Variants in PLPPR5 observed in about 807,000 individuals in gnomAD.
PLPPR5 encodes phospholipid phosphatase related 5.
Under a neutral mutation model 33.9 loss-of-function variants are expected in PLPPR5, and 16 were observed. That is an observed-to-expected ratio of 0.47 (90% CI 0.32 to 0.72). The LOEUF (loss-of-function observed/expected upper bound fraction) is 0.72. Ranked by LOEUF, PLPPR5 falls within the 30% of genes least tolerant of loss-of-function variation. The probability of loss-of-function intolerance (pLI) is 0.03; values close to 1 mark genes in which losing one functional copy is unlikely to be tolerated. For synonymous variants in PLPPR5, 163 were observed against 150.3 expected, an observed-to-expected ratio of 1.08 and a Z score of -0.62; for missense variants, 301 against 406.7, an observed-to-expected ratio of 0.74 and a Z score of 2.23.
rs1032639576 is a variant in PLPPR5, at chr1:98,895,512, T to C, written c.934-2408A>G. 9.2e-5 allele frequency among the ~76,000 whole-genome samples: 14 copies of C among 152,174 alleles called. No homozygotes were observed. In the East Asian group the frequency reaches 2.7e-3, roughly 29 times the overall value. On this transcript the variant is annotated intron_variant, in intron 5 of 5. Coordinates refer to ENST00000263177, the MANE Select transcript of PLPPR5 (RefSeq NM_001037317.2). ...ATCTAGAAAATACTGGAATTCAGTC[T>C]TGGCATTTAAAATCACATGCTTCAG...
chr1:98,901,090 T>C (rs865901993), intron 5 of PLPPR5, among the ~76,000 whole-genome samples: 4 of 152,120 alleles, frequency 2.6e-5, no homozygotes, highest in East Asian at 3.8e-4. Context: ...CAACCTTCAA[T>C]TGGCAAATGG....
chr1:98,988,298 C>T (rs965526413), intron 1 of PLPPR5, among the ~76,000 whole-genome samples: 1 of 151,988 alleles, frequency 6.6e-6, no homozygotes, highest in African/African-American at 2.4e-5. Flanking sequence ...TGTATTCAGG[C>T]CAAGTTTAAT....
intron 2 of PLPPR5, among the ~76,000 whole-genome samples, chr1:98,953,555 G>T (rs1169187412): frequency 3.3e-5 from 5 of 152,026 alleles, no homozygotes; most frequent in Non-Finnish European, 7.4e-5. Context: ...ACTGGTTTTT[G>T]GGCATGGCAG....
intron 3 of PLPPR5, among the ~76,000 whole-genome samples, chr1:98,931,557 C>A (rs191846786): frequency 6.6e-6 from 1 of 152,226 alleles, no homozygotes; most frequent in East Asian, 1.9e-4. Context: ...AGTCAAGGAT[C>A]CTTTCTCCCT....
chr1:98,928,522 TA>T lies in PLPPR5; in HGVS notation c.622-6465del, dbSNP rs199775779. On this transcript the variant is annotated intron_variant, in intron 3 of 5. Coordinates refer to ENST00000263177, the MANE Select transcript of PLPPR5 (RefSeq NM_001037317.2). ...ATATTAATATCACCTTTTTTACTTT[TA>T]AAAAACTATTAGAAAGTTTTAAATC... is the stretch of plus-strand genomic sequence containing the variant. 3.9e-3 allele frequency among the ~76,000 whole-genome samples: 517 copies of T among 132,662 alleles called. 3 individuals carry two copies. Among genetic ancestry groups the T allele is most frequent in the African/African-American group, 0.013 (487 of 37,478 alleles). The allele number at this position is 132,662 out of a possible 152,430, so 87.0% of individuals were successfully genotyped here. A position where few individuals can be genotyped will look rare whatever the true frequency, so the allele number is the denominator to read the frequency against.
chr1:98,986,508 T>A (rs557027166), intron 1 of PLPPR5, among the ~76,000 whole-genome samples: 1 of 151,934 alleles, frequency 6.6e-6, no homozygotes, highest in East Asian at 1.9e-4. Flanking sequence ...AGGCTTTTTT[T>A]AATAAAAGAA....
chr1:98,935,170 A>C (rs1393757001), intron 3 of PLPPR5, among the ~76,000 whole-genome samples: 2 of 152,204 alleles, frequency 1.3e-5, no homozygotes. Flanking sequence ...TACAAATTAC[A>C]AGATAGTGAC....
At chr1:98,980,615 T>C (rs1218973005) in intron 1 of PLPPR5, among the ~76,000 whole-genome samples, 1 of 152,098 alleles carries the variant, frequency 6.6e-6, no homozygotes, top group African/African-American at 2.4e-5. Flanking sequence ...TTACAATCAG[T>C]GTTTTTCTGA....
intron 3 of PLPPR5, among the ~76,000 whole-genome samples, chr1:98,950,885 T>C (rs181003297): frequency 1.6e-4 from 24 of 152,154 alleles, no homozygotes; most frequent in African/African-American, 5.8e-4. Flanking sequence ...CTCTCTCTCT[T>C]TTTTGTAAAG....
intron 1 of PLPPR5, among the ~76,000 whole-genome samples, chr1:98,974,632 C>G (rs1651781438): frequency 6.6e-6 from 1 of 152,054 alleles, no homozygotes; most frequent in Admixed American, 6.6e-5. Context: ...TCCCTAAACT[C>G]TCTCTGATCT....
rs367644987 is a variant in PLPPR5, at chr1:98,912,692, AG to A, written c.933+2093del. On this transcript the variant is annotated intron_variant, in intron 5 of 5. Transcript: ENST00000263177. ...AAAATTAGGGAATTCAATTACTAAA[AG>A]GAAGAAGGTGAGAAGGAATACTAAA... Among the ~76,000 whole-genome samples the A allele has an allele frequency of 3.6e-3, 546 of 152,320 alleles. 2 individuals are homozygous for A. Among genetic ancestry groups the A allele is most frequent in the African/African-American group, 0.013 (523 of 41,566 alleles).
At position 98,953,060 on chromosome 1, in the gene PLPPR5, C is replaced by A; in HGVS notation, c.621+10G>T. On this transcript the variant is annotated intron_variant, in intron 3 of 5. Coordinates refer to ENST00000263177, the MANE Select transcript of PLPPR5 (RefSeq NM_001037317.2). The stretch of plus-strand genomic sequence containing the variant: ...CAGACTAAGACAACAAATTTATAAT[C>A]CTTACTTACGGTCAGATACATAGCT... 1 of 1,613,540 alleles carries A rather than the reference C, an allele frequency of 6.2e-7. No homozygotes were observed. Among genetic ancestry groups the A allele is most frequent in the South Asian group, 1.1e-5 (1 of 91,050 alleles).
intron 3 of PLPPR5, among the ~76,000 whole-genome samples, chr1:98,927,739 G>GT (rs1553167675): frequency 1.3e-5 from 2 of 152,100 alleles, no homozygotes; most frequent in Non-Finnish European, 2.9e-5. Context: ...GGTTTCTGAC[G>GT]TAAGGGTGCT....
chr1:98,891,002 T>G lies in PLPPR5; in HGVS notation c.*2070A>C, dbSNP rs1648252241. ...GGCTGCTTGGAAGTCTGATGTAGAA[T>G]CAATAGAACTGATAGAAGTCTGGAA... On this transcript the variant is annotated 3_prime_UTR_variant, in exon 6 of 6. Transcript: ENST00000263177. 1 of 152,134 alleles carries G rather than the reference T, an allele frequency of 6.6e-6. No homozygotes were observed. The highest frequency in any genetic ancestry group is 2.1e-4 in the South Asian group (1 of 4,834). The allele number at this position is 152,134 out of a possible 1,614,324, so 9.4% of individuals were successfully genotyped here. A position where few individuals can be genotyped will look rare whatever the true frequency, so the allele number is the denominator to read the frequency against.
At position 98,914,811 on chromosome 1, in the gene PLPPR5, G is replaced by C; in HGVS notation, c.908C>G (p.Pro303Arg). The C allele has an allele frequency of 1.2e-6, 2 of 1,612,864 alleles. No homozygotes were observed. Among genetic ancestry groups the C allele is most frequent in the Non-Finnish European group, 1.7e-6 (2 of 1,179,550 alleles). Residue 303 changes from proline to arginine, a missense_variant, in exon 5 of 6, where the codon CCT (proline) becomes CGT (arginine). By Grantham distance (103) the Pro-to-Arg change is moderately radical. Coordinates refer to ENST00000263177, the MANE Select transcript of PLPPR5 (RefSeq NM_001037317.2). ...PMISIPRVES[P>R]LEKVTSVQNH... ...CTGTACAGATGTTACCTTTTCCAAA[G>C]GACTTTCTACTCGAGGAATGCTGAT...
upstream of PLPPR5, among the ~76,000 whole-genome samples, chr1:99,005,287 G>C (rs1653045730): frequency 2.0e-5 from 3 of 152,146 alleles, no homozygotes; most frequent in South Asian, 6.2e-4. Context: ...CGTCTTCCGA[G>C]CGCAAAGCCC....
chr1:98,996,259 A>G (rs900847509), intron 1 of PLPPR5, among the ~76,000 whole-genome samples: 1 of 152,012 alleles, frequency 6.6e-6, no homozygotes, highest in Admixed American at 6.6e-5. Context: ...CAAATGTATT[A>G]TACACACACA....
At chr1:98,898,744 CT>C (rs1648576393) in intron 5 of PLPPR5, among the ~76,000 whole-genome samples, 1 of 152,040 alleles carries the variant, frequency 6.6e-6, no homozygotes, top group Non-Finnish European at 1.5e-5. Flanking sequence ...GGAAAGGTGA[CT>C]TTTTTGGGGG....
intron 1 of PLPPR5, among the ~76,000 whole-genome samples, chr1:98,963,231 T>C (rs1009015948): frequency 2.0e-5 from 3 of 152,210 alleles, no homozygotes; most frequent in South Asian, 2.1e-4. Context: ...ACATATTGCC[T>C]ATTCTATTGC....
Sources: gnomAD v4.1 joint callset for allele counts (sites outside exome capture counted in the v4.1 genomes callset) on GRCh38, gnomAD v4.1.1 for gene constraint, MANE v1.5 for transcripts, NCBI Gene and HGNC (gene_info 2026-07-23, HGNC 2026-07-21) for gene names.